FAM184A: variants seen among roughly 807,000 people sequenced by gnomAD.
The protein encoded by FAM184A is family with sequence similarity 184 member A.
A neutral mutation model predicts 143.8 loss-of-function variants in FAM184A; 99 were observed. The ratio of observed to expected loss-of-function variants is 0.69; its 90% confidence interval spans 0.58 to 0.81. FAM184A has a LOEUF of 0.81. Among genes scored for constraint, FAM184A ranks in the 40% least tolerant of loss-of-function variants. The pLI, the probability that FAM184A is intolerant of heterozygous loss-of-function variation, is 0.00. For synonymous variants in FAM184A, 427 were observed against 446.4 expected (o/e 0.96, Z 0.55); for missense variants, 1,217 against 1,310.5 (o/e 0.93, Z 1.10).
chr6:119,141,120 C>G (rs1475885895), intron 1 of FAM184A, among the ~76,000 whole-genome samples: 1 of 152,214 alleles, frequency 6.6e-6, no homozygotes, highest in Non-Finnish European at 1.5e-5. Context: ...AGAAATTGCT[C>G]TTTAATTCTT....
intron 1 of FAM184A, among the ~76,000 whole-genome samples, chr6:119,060,153 T>C (rs966757853): frequency 6.6e-6 from 1 of 152,230 alleles, no homozygotes; most frequent in Admixed American, 6.5e-5. Context: ...AGGTACTGTT[T>C]GAGGCCAGCC....
At chr6:119,094,056 T>A (rs980300160) in intron 1 of FAM184A, among the ~76,000 whole-genome samples, 1 of 138,616 alleles carries the variant, frequency 7.2e-6, no homozygotes, top group Non-Finnish European at 1.6e-5. Context: ...TCCTTCCTTC[T>A]TTCCTTTCTT....
chr6:119,136,016 C>T (rs1371495421), intron 1 of FAM184A, among the ~76,000 whole-genome samples: 2 of 150,294 alleles, frequency 1.3e-5, no homozygotes, highest in Non-Finnish European at 3.0e-5. Flanking sequence ...CGGTGGCTCA[C>T]GCCTGTAATC....
At chr6:119,090,750 T>C (rs1788343629) in intron 1 of FAM184A, among the ~76,000 whole-genome samples, 1 of 152,180 alleles carries the variant, frequency 6.6e-6, no homozygotes, top group Non-Finnish European at 1.5e-5. Context: ...TCCAGATTTT[T>C]TTTACCCTTG....
intron 8 of FAM184A, 40 bp downstream of exon 8, chr6:119,003,461 G>T: frequency 6.3e-7 from 1 of 1,580,590 alleles, no homozygotes; most frequent in Non-Finnish European, 8.6e-7. Context: ...AAACTTTCTT[G>T]CATGTCTTTA....
Position 118,961,751 on chromosome 6 carries a change from C to T in FAM184A, c.3341+10G>A, listed in dbSNP as rs373546440. 8.2e-5 allele frequency: 132 copies of T among 1,609,398 alleles called. No homozygotes were observed. The highest frequency in any genetic ancestry group is 1.7e-4 in the South Asian group (15 of 90,784). On this transcript the variant is annotated intron_variant, in intron 17 of 17. Transcript: ENST00000338891. ...AGAAAAGAAAAAAACATTGGTGAGA[C>T]GGGTCTCACCTCAAAAATGTCTTGG...
chr6:119,007,357 T>C (rs953835922), intron 6 of FAM184A, among the ~76,000 whole-genome samples: 17 of 152,116 alleles, frequency 1.1e-4, no homozygotes, highest in Non-Finnish European at 8.8e-5. Context: ...TCCTTGTAAA[T>C]ACAGACATTA....
intron 1 of FAM184A, among the ~76,000 whole-genome samples, chr6:119,093,645 C>T (rs1349856122): frequency 1.3e-5 from 2 of 152,096 alleles, no homozygotes; most frequent in Admixed American, 1.3e-4. Flanking sequence ...CCAAGGAGGA[C>T]GAGTAACATC....
intron 1 of FAM184A, among the ~76,000 whole-genome samples, chr6:119,109,915 G>A (rs1788887582): frequency 6.6e-6 from 1 of 151,970 alleles, no homozygotes; most frequent in Non-Finnish European, 1.5e-5. Flanking sequence ...TGCATTTTAG[G>A]CACCTTTTCT....
chr6:118,974,512 T>A lies in FAM184A; in HGVS notation c.2831A>T (p.His944Leu). 1.9e-6 allele frequency: 3 copies of A among 1,612,490 alleles called. No individual in the cohort carries two copies. Among genetic ancestry groups the A allele is most frequent in the Non-Finnish European group, 2.5e-6 (3 of 1,179,054 alleles). Residue 944 changes from histidine (H) to leucine (L), a missense_variant, in exon 14 of 18, where the codon CAC becomes CTC. Physicochemically the swap from His to Leu is moderately conservative, Grantham distance 99. Transcript: ENST00000338891. Reference protein sequence around the residue: ...EKELDVMTADHLREKNIMRAD... With the variant: ...EKELDVMTADLLREKNIMRAD... ...CCGCATGATATTTTTCTCTCTGAGG[T>A]GGTCTGCTGTCATGACATCCAACTC...
chr6:119,094,512 A>G (rs1052965174), intron 1 of FAM184A, among the ~76,000 whole-genome samples: 2 of 152,216 alleles, frequency 1.3e-5, no homozygotes, highest in Middle Eastern at 3.2e-3. Flanking sequence ...TTGTTATGCC[A>G]GAGGTTATCA....
At chr6:119,034,037 T>TAGAG (rs1188109016) in intron 1 of FAM184A, among the ~76,000 whole-genome samples, 21 of 42,090 alleles carry the variant, frequency 5.0e-4, no homozygotes, top group African/African-American at 2.1e-3. Flanking sequence ...TATATATATA[T>TAGAG]ATATAGAGAG....
intron 6 of FAM184A, among the ~76,000 whole-genome samples, chr6:119,009,750 T>C (rs1377083172): frequency 6.6e-6 from 1 of 152,236 alleles, no homozygotes; most frequent in African/African-American, 2.4e-5. Context: ...TTGTGTTTAC[T>C]TGTTTTTGTG....
intron 1 of FAM184A, among the ~76,000 whole-genome samples, chr6:119,059,919 A>G (rs181121941): frequency 5.4e-4 from 82 of 152,346 alleles, no homozygotes; most frequent in African/African-American, 2.0e-3. Context: ...GTATAATTTT[A>G]ATATAAACTT....
At chr6:118,994,288 T>C (rs2114618551) in intron 9 of FAM184A, among the ~76,000 whole-genome samples, 1 of 152,094 alleles carries the variant, frequency 6.6e-6, no homozygotes, top group East Asian at 1.9e-4. Flanking sequence ...TGAAAGAACA[T>C]GCAAAAGTAA....
intron 1 of FAM184A, among the ~76,000 whole-genome samples, chr6:119,108,649 C>T (rs1427793384): frequency 6.6e-6 from 1 of 152,166 alleles, no homozygotes; most frequent in Admixed American, 6.5e-5. Flanking sequence ...TGACAGTACC[C>T]TCTGGAGGTT....
chr6:119,061,531 C>CTT (rs977029986), intron 1 of FAM184A, among the ~76,000 whole-genome samples: 2,658 of 58,598 alleles, frequency 0.045, 450 homozygotes, highest in East Asian at 0.14. Context: ...AATTATTTTT[C>CTT]TTTTTTTTTT....
At chr6:119,063,757 T>TAA (rs145913242) in intron 1 of FAM184A, among the ~76,000 whole-genome samples, 1 of 151,784 alleles carries the variant, frequency 6.6e-6, no homozygotes, top group African/African-American at 2.4e-5. Context: ...TCCCTCATAA[T>TAA]AAAAAAAATG....
chr6:118,994,067 T>C (rs2114618032), intron 9 of FAM184A, among the ~76,000 whole-genome samples: 1 of 152,336 alleles, frequency 6.6e-6, no homozygotes, highest in South Asian at 2.1e-4. Context: ...GCTGTTCTTC[T>C]GGCCAGGTCT....
Sources: allele counts gnomAD v4.1 joint callset (sites outside exome capture counted in the v4.1 genomes callset), GRCh38; gene constraint gnomAD v4.1.1; transcripts MANE v1.5; gene names NCBI Gene and HGNC (gene_info 2026-07-23, HGNC 2026-07-21).